The following CCDC141 variants were observed in gnomAD, a reference collection of about 807,000 sequenced individuals.
The protein encoded by CCDC141 is coiled-coil domain-containing protein 141.
CCDC141 carries 168 observed loss-of-function variants against 181.0 expected under a neutral mutation model. That is an observed-to-expected ratio of 0.93 (90% CI 0.82 to 1.05). The LOEUF is 1.05. CCDC141 is among the 50% of genes least tolerant of loss of function. The pLI is 0.00. For missense variants in CCDC141, 1,902 were observed against 1,788.5 expected, an observed-to-expected ratio of 1.06 and a Z score of -1.14; for synonymous variants, 666 against 642.3, an observed-to-expected ratio of 1.04 and a Z score of -0.56.
intron 15 of CCDC141, 120 bp from the exon 16 acceptor site, chr2:178,868,325 A>G (rs890302741): frequency 2.9e-5 from 22 of 767,718 alleles, no homozygotes; most frequent in Non-Finnish European, 4.2e-5. Flanking sequence ...CCATCTTTAA[A>G]CTGTTGGCAT....
chr2:178,983,055 A>T (rs913715995), intron 2 of CCDC141, among the ~76,000 whole-genome samples: 17 of 152,032 alleles, frequency 1.1e-4, no homozygotes, highest in Non-Finnish European at 2.2e-4. Flanking sequence ...CTGCAGACTT[A>T]AATGTCCCTG....
intron 5 of CCDC141, among the ~76,000 whole-genome samples, chr2:178,957,138 G>T (rs992185324): frequency 2.0e-5 from 3 of 152,182 alleles, no homozygotes; most frequent in Non-Finnish European, 4.4e-5. Context: ...CTCCCAAAGT[G>T]CTGGGATTAC....
chr2:179,037,771 G>A (rs552976481), intron 2 of CCDC141, among the ~76,000 whole-genome samples: 8 of 152,254 alleles, frequency 5.3e-5, no homozygotes, highest in African/African-American at 1.9e-4. Flanking sequence ...CCACTTTAGG[G>A]AAATACAAAT....
At chr2:178,840,291 G>C (rs1684668137) in intron 22 of CCDC141, among the ~76,000 whole-genome samples, 1 of 152,214 alleles carries the variant, frequency 6.6e-6, no homozygotes, top group African/African-American at 2.4e-5. Flanking sequence ...TAGAAGAGCA[G>C]GGACATTTGT....
chr2:178,885,943 T>C (rs1227596825), intron 10 of CCDC141, among the ~76,000 whole-genome samples: 1 of 152,214 alleles, frequency 6.6e-6, no homozygotes. Context: ...GCGGGGAATT[T>C]CTTCCCTTGT....
the CCDC141 span, among the ~76,000 whole-genome samples, chr2:178,824,450 C>T: frequency 6.6e-6 from 1 of 151,768 alleles, no homozygotes; most frequent in African/African-American, 2.4e-5. Context: ...TGGAGAAACA[C>T]CATCTCTATT....
chr2:178,844,328 A>T (rs1684847755), intron 22 of CCDC141, among the ~76,000 whole-genome samples: 1 of 152,220 alleles, frequency 6.6e-6, no homozygotes, highest in African/African-American at 2.4e-5. Flanking sequence ...ATTTTAGTAT[A>T]ATAGATGCTA....
the CCDC141 span, among the ~76,000 whole-genome samples, chr2:178,820,157 G>C: frequency 1.3e-5 from 2 of 152,132 alleles, no homozygotes; most frequent in Non-Finnish European, 2.9e-5. Flanking sequence ...TGAAAATGTA[G>C]CTGCTGCTCT....
intron 17 of CCDC141, among the ~76,000 whole-genome samples, chr2:178,859,746 C>T (rs1435455634): frequency 3.3e-5 from 5 of 152,124 alleles, no homozygotes; most frequent in Non-Finnish European, 5.9e-5. Flanking sequence ...AAAACTATAG[C>T]TATTTTGAAA....
the CCDC141 span, among the ~76,000 whole-genome samples, chr2:178,822,337 C>T: frequency 6.0e-5 from 9 of 150,462 alleles, no homozygotes; most frequent in African/African-American, 2.2e-4. Flanking sequence ...AGCACAGCAG[C>T]ATGGCACATG....
At chr2:178,900,516 G>C (rs970062537) in intron 8 of CCDC141, among the ~76,000 whole-genome samples, 3 of 151,968 alleles carry the variant, frequency 2.0e-5, no homozygotes, top group African/African-American at 7.3e-5. Context: ...TTGTTTGTTT[G>C]TTTGTTTTTT....
chr2:178,913,216 A>C (rs1688295924), intron 7 of CCDC141, among the ~76,000 whole-genome samples: 1 of 152,232 alleles, frequency 6.6e-6, no homozygotes, highest in Non-Finnish European at 1.5e-5. Context: ...AAGTGGCTTT[A>C]GTTATTTCTA....
intron 2 of CCDC141, among the ~76,000 whole-genome samples, chr2:179,023,161 A>C (rs1163816055): frequency 6.6e-6 from 1 of 152,202 alleles, no homozygotes; most frequent in African/African-American, 2.4e-5. Flanking sequence ...AGTTTCTTCA[A>C]TTGTAAAATG....
At chr2:178,866,200 A>G (rs2154368624) in intron 16 of CCDC141, among the ~76,000 whole-genome samples, 1 of 152,274 alleles carries the variant, frequency 6.6e-6, no homozygotes, top group African/African-American at 2.4e-5. Flanking sequence ...TATAATTTTT[A>G]CTTCAAAAGG....
intron 2 of CCDC141, among the ~76,000 whole-genome samples, chr2:178,993,187 A>G (rs1236309863): frequency 6.6e-6 from 1 of 152,156 alleles, no homozygotes; most frequent in Non-Finnish European, 1.5e-5. Context: ...AGCCATTGCT[A>G]TTTTGGGGTT....
intron 2 of CCDC141, among the ~76,000 whole-genome samples, chr2:178,983,605 C>T (rs1400806485): frequency 3.1e-4 from 45 of 144,824 alleles, no homozygotes; most frequent in African/African-American, 1.1e-3. Flanking sequence ...ATAACCAATA[C>T]AGAGAAGTGC....
At chr2:179,043,966 T>A (rs2043398589) in intron 2 of CCDC141, among the ~76,000 whole-genome samples, 2 of 152,150 alleles carry the variant, frequency 1.3e-5, no homozygotes, top group Non-Finnish European at 2.9e-5. Context: ...AGTCTCAGGA[T>A]ACAAAATCAA....
chr2:179,007,088 T>C (rs1326114072), intron 2 of CCDC141, among the ~76,000 whole-genome samples: 1 of 152,184 alleles, frequency 6.6e-6, no homozygotes, highest in South Asian at 2.1e-4. Flanking sequence ...GATTCAAGGA[T>C]GGAAAATGAT....
intron 8 of CCDC141, among the ~76,000 whole-genome samples, chr2:178,889,558 G>T (rs532920318): frequency 1.8e-4 from 28 of 152,194 alleles, no homozygotes; most frequent in African/African-American, 5.8e-4. Context: ...CAAGGTACAG[G>T]TTTCAGTCAT....
Sources: gnomAD v4.1 joint callset for allele counts (sites outside exome capture counted in the v4.1 genomes callset) on GRCh38, gnomAD v4.1.1 for gene constraint, MANE v1.5 for transcripts, NCBI Gene and HGNC (gene_info 2026-07-23, HGNC 2026-07-21) for gene names.